RABGAP1: variants seen among roughly 807,000 people sequenced by gnomAD.
RABGAP1 encodes rab GTPase-activating protein 1.
In RABGAP1, 23 loss-of-function variants were observed where a neutral mutation model predicts 137.6. That is an observed-to-expected ratio of 0.17 (90% CI 0.12 to 0.24). The LOEUF is 0.24. RABGAP1 is among the 10% of genes least tolerant of loss of function. The pLI, the probability that RABGAP1 is intolerant of heterozygous loss-of-function variation, is 1.00. For synonymous variants in RABGAP1, 451 were observed against 450.7 expected, an observed-to-expected ratio of 1.00 and a Z score of -0.01; for missense variants, 906 against 1,275.8, an observed-to-expected ratio of 0.71 and a Z score of 4.42.
In RABGAP1 at chr9:122,977,575, G is replaced by T. The variant is rs182610661; in HGVS notation, c.151-6910G>T. ...ACAAAAATCAGCTGGGCGTGATGGC[G>T]CATGCCTGTAATCTCAGCTACTCGG... On this transcript the variant is annotated intron_variant, in intron 2 of 25. Coordinates refer to ENST00000373647, the MANE Select transcript of RABGAP1 (RefSeq NM_012197.4). Among the ~76,000 whole-genome samples, 444 of 152,272 alleles carry T rather than the reference G, an allele frequency of 2.9e-3. 2 individuals carry two copies. Among genetic ancestry groups the T allele is most frequent in the African/African-American group, 0.01 (420 of 41,558 alleles).
At chr9:122,951,054 AAGTG>A (rs1364334330) in intron 1 of RABGAP1, among the ~76,000 whole-genome samples, 1 of 152,154 alleles carries the variant, frequency 6.6e-6, no homozygotes, top group Non-Finnish European at 1.5e-5. Context: ...GGTTCAGTGA[AAGTG>A]AGAAGTAACG....
At chr9:122,955,537 C>T (rs1834468534) in intron 1 of RABGAP1, among the ~76,000 whole-genome samples, 1 of 152,194 alleles carries the variant, frequency 6.6e-6, no homozygotes, top group Non-Finnish European at 1.5e-5. Context: ...AGCAGAGAGT[C>T]CAGGCTTCTA....
At chr9:122,985,562 G>A (rs779945619) in intron 3 of RABGAP1, among the ~76,000 whole-genome samples, 1 of 138,748 alleles carries the variant, frequency 7.2e-6, no homozygotes, top group African/African-American at 2.7e-5. Flanking sequence ...GCAGTGAGCC[G>A]AGATTGTTCC....
At chr9:122,933,665 C>T in the RABGAP1 span, among the ~76,000 whole-genome samples, 4 of 152,012 alleles carry the variant, frequency 2.6e-5, no homozygotes, top group East Asian at 1.9e-4. Flanking sequence ...CTTGCTCTGT[C>T]GCCCAGGCTG....
chr9:123,087,462 G>T (rs774833833), intron 19 of RABGAP1, among the ~76,000 whole-genome samples: 2 of 152,096 alleles, frequency 1.3e-5, no homozygotes, highest in Admixed American at 6.5e-5. Flanking sequence ...TTTATTTTCT[G>T]TTCCACTACT....
intron 4 of RABGAP1, 141 bp from the exon 5 acceptor site, chr9:122,989,156 C>T (rs1431472693): frequency 4.0e-6 from 3 of 748,250 alleles, no homozygotes; most frequent in African/African-American, 3.5e-5. Context: ...ATATGAGTTA[C>T]TTATTAAAAT....
rs780434351 is a variant in RABGAP1 at position 123,101,672 on chromosome 9, A to G, written c.2996A>G (p.Glu999Gly). 23 of 1,613,972 alleles carry G rather than the reference A, an allele frequency of 1.4e-5. No homozygotes were observed. Among genetic ancestry groups the G allele is most frequent in the Non-Finnish European group, 1.7e-5 (20 of 1,180,006 alleles). The stretch of plus-strand genomic sequence containing the variant: ...GTTTTAGATGAGGACACGGATGAAG[A>G]GAAAGAGACGCTCAAGAACCAGCTG... ...KEVLDEDTDE[E>G]KETLKNQLRE... The change falls in exon 25 of 26, where the codon GAG (glutamate) becomes GGG (glycine). Residue 999 changes from glutamate (E) to glycine (G), a missense_variant. Glu to Gly is a moderately conservative substitution (Grantham distance 98, BLOSUM62 -2). Around this residue, in one of 9 missense-constraint regions of RABGAP1, gnomAD observed 193 missense variants for 248.1 expected, o/e 0.78. Transcript: ENST00000373647.
At chr9:123,032,852 A>G (rs2032377928) in intron 13 of RABGAP1, among the ~76,000 whole-genome samples, 1 of 152,236 alleles carries the variant, frequency 6.6e-6, no homozygotes, top group South Asian at 2.1e-4. Context: ...AAGATTGTAT[A>G]TTCTAAGATA....
In RABGAP1 at chr9:122,960,993, C is replaced by T. The variant is rs562967182; in HGVS notation, c.150+3784C>T. On this transcript the variant is annotated intron_variant, in intron 2 of 25. Coordinates refer to ENST00000373647, the MANE Select transcript of RABGAP1 (RefSeq NM_012197.4). ...ATTACTCAAAGAACATGAAGAAAAA[C>T]AATGTAGAAAAAAACAGGCTCAGAA... Among the ~76,000 whole-genome samples the T allele has an allele frequency of 1.8e-3, 277 of 151,344 alleles. 1 individual carries two copies. The highest frequency in any genetic ancestry group is 3.5e-3 in the Admixed American group (53 of 15,206).
At chr9:122,940,088 G>C (rs1833470263), upstream of RABGAP1, 1 of 152,246 alleles carries the variant, frequency 6.6e-6, no homozygotes, top group Non-Finnish European at 1.5e-5. Context: ...GATAGCTTGA[G>C]CCCAGGAGTT....
chr9:122,992,914 A>G (rs1419406676), intron 6 of RABGAP1, among the ~76,000 whole-genome samples: 1 of 151,680 alleles, frequency 6.6e-6, no homozygotes, highest in Non-Finnish European at 1.5e-5. Context: ...CTAGCAAAAT[A>G]TACCTTGGTT....
intron 19 of RABGAP1, among the ~76,000 whole-genome samples, chr9:123,078,926 C>CA (rs1564181360): frequency 1.3e-5 from 2 of 152,190 alleles, no homozygotes; most frequent in South Asian, 2.1e-4. Flanking sequence ...GCTGAAAACT[C>CA]ACGTTTCCAC....
intron 2 of RABGAP1, among the ~76,000 whole-genome samples, chr9:122,974,627 AT>A (rs1835672283): frequency 6.6e-6 from 1 of 151,960 alleles, no homozygotes; most frequent in African/African-American, 2.4e-5. Context: ...CCCTGTCTCT[AT>A]TTTTAAAATA....
At chr9:123,043,144 ACGTACTTTCT>A (rs1237803174) in intron 13 of RABGAP1, among the ~76,000 whole-genome samples, 1 of 152,192 alleles carries the variant, frequency 6.6e-6, no homozygotes, top group African/African-American at 2.4e-5. Context: ...ACCTGCCTTA[ACGTACTTTCT>A]CGGGAAGTTA....
intron 1 of RABGAP1, among the ~76,000 whole-genome samples, chr9:122,951,048 C>T (rs1564352996): frequency 1.3e-5 from 2 of 152,110 alleles, no homozygotes; most frequent in Non-Finnish European, 2.9e-5. Context: ...TTAAGGGGTT[C>T]AGTGAAAGTG....
At position 122,984,735 on chromosome 9, in the gene RABGAP1, T is replaced by C. The variant is rs1239261117; in HGVS notation, c.385+16T>C. 12 of 1,605,078 alleles carry C rather than the reference T, an allele frequency of 7.5e-6. No homozygotes were observed. In the Admixed American group the frequency reaches 1.8e-4, roughly 25 times the overall value. On this transcript the variant is annotated intron_variant, in intron 3 of 25. Transcript: ENST00000373647. Reference sequence around the variant, plus strand: ...GGACAAGGAGGTTAGGATTGCTGCATTGCTTGCGTAACTGAAGGTTATTGT... The same window carrying C: ...GGACAAGGAGGTTAGGATTGCTGCACTGCTTGCGTAACTGAAGGTTATTGT...
At chr9:123,005,370 G>A (rs1014840338) in intron 10 of RABGAP1, among the ~76,000 whole-genome samples, 2 of 150,908 alleles carry the variant, frequency 1.3e-5, no homozygotes, top group Non-Finnish European at 2.9e-5. Context: ...TCGGAAGTCC[G>A]CTTCCATTTG....
intron 1 of RABGAP1, among the ~76,000 whole-genome samples, chr9:122,949,219 T>C (rs1035112283): frequency 1.3e-5 from 2 of 151,444 alleles, no homozygotes; most frequent in African/African-American, 4.9e-5. Flanking sequence ...CTACTAAAAA[T>C]ACAAAAATTA....
At chr9:122,996,408 A>G in intron 7 of RABGAP1, 131 bp from the exon 8 acceptor site, 1 of 1,111,754 alleles carries the variant, frequency 9.0e-7, no homozygotes, top group Non-Finnish European at 1.3e-6. Context: ...TTATTTTAGC[A>G]ACACAAATTT....
Sources: allele counts gnomAD v4.1 joint callset (sites outside exome capture counted in the v4.1 genomes callset), GRCh38; gene constraint gnomAD v4.1.1; regional missense constraint gnomAD v4.1.1; transcripts MANE v1.5; gene names NCBI Gene and HGNC (gene_info 2026-07-23, HGNC 2026-07-21).